Variants in PDXP observed in about 807,000 individuals in gnomAD.
PDXP encodes the protein chronophin.
Under a neutral mutation model 14.4 loss-of-function variants are expected in PDXP, and 15 were observed. That is an observed-to-expected ratio of 1.04 (90% confidence interval 0.70 to 1.60). PDXP has a LOEUF of 1.60. Among genes scored for constraint, PDXP ranks in the 40% most tolerant of loss-of-function variants. PDXP has a pLI of 0.00. For synonymous variants in PDXP, 233 were observed against 205.6 expected (o/e 1.13, Z -1.14); for missense variants, 413 against 427.6 (o/e 0.97, Z 0.30).
chr22:37,661,940 T>TGAGA (rs1569016089), intron 1 of PDXP, among the ~76,000 whole-genome samples: 1 of 68,696 alleles, frequency 1.5e-5, no homozygotes, highest in African/African-American at 5.7e-5. Context: ...TTTTTTTTTT[T>TGAGA]TTTTTTTTTT....
chr22:37,658,857 C>G lies in PDXP; in HGVS notation c.75C>G (p.Asp25Glu). 8.2e-7 allele frequency: 1 copy of G among 1,213,974 alleles called. No individual in the cohort carries two copies. Among genetic ancestry groups the G allele is most frequent in the Non-Finnish European group, 1.0e-6 (1 of 975,018 alleles). The allele number at this position is 1,213,974 out of a possible 1,614,324, so 75.2% of individuals were successfully genotyped here. Residue 25 changes from aspartate to glutamate, a missense_variant, in exon 1 of 2, where the codon GAC (aspartate) becomes GAG (glutamate). By Grantham distance (45) the Asp-to-Glu change is conservative. Coordinates refer to ENST00000215904, the MANE Select transcript of PDXP (RefSeq NM_020315.5). ...VLGRAQGVLF[D>E]CDGVLWNGER... ...GCCGGGCGCAGGGGGTCCTGTTCGA[C>G]TGTGACGGGGTGCTGTGGAACGGCG...
chr22:37,660,541 G>C (rs1933182672), intron 1 of PDXP, among the ~76,000 whole-genome samples: 1 of 152,240 alleles, frequency 6.6e-6, no homozygotes, highest in African/African-American at 2.4e-5. Flanking sequence ...GCAAAAGGAG[G>C]CTCCTCCATT....
chr22:37,666,185 A>G lies in PDXP; in HGVS notation c.*314A>G, dbSNP rs561745414. The G allele has an allele frequency of 1.6e-5, 7 of 448,564 alleles. No individual in the cohort carries two copies. Among genetic ancestry groups the G allele is most frequent in the South Asian group, 5.2e-5 (2 of 38,564 alleles). The allele number at this position is 448,564 out of a possible 1,614,324, so 27.8% of individuals were successfully genotyped here. On this transcript the variant is annotated 3_prime_UTR_variant, in exon 2 of 2. Coordinates refer to ENST00000215904, the MANE Select transcript of PDXP (RefSeq NM_020315.5). ...CTGGTGCCTGCTGAAGATTCCCTCTATCCCTGAGTACTTAGTCTTCTCCCC... is the reference window on the plus strand; with the variant it reads ...CTGGTGCCTGCTGAAGATTCCCTCTGTCCCTGAGTACTTAGTCTTCTCCCC...
At position 37,663,951 on chromosome 22, in the gene PDXP, A is replaced by G. The variant is rs550481810; in HGVS notation, c.575-1604A>G. 3.7e-5 allele frequency among the ~76,000 whole-genome samples: 4 copies of G among 108,534 alleles called. No individual in the cohort carries two copies. In the South Asian group the frequency reaches 1.1e-3, roughly 30 times the overall value. 71.2% of individuals were successfully genotyped at this position (108,534 alleles called of 152,430 possible). A position where few individuals can be genotyped will look rare whatever the true frequency, so the allele number is the denominator to read the frequency against. On this transcript the variant is annotated intron_variant, in intron 1 of 1. Coordinates refer to ENST00000215904, the MANE Select transcript of PDXP (RefSeq NM_020315.5). ...TTTTTTTTTTTTTTTTTTTTGAGCCAGAGCCTAGCTCTGGCGCCCAGACTG... is the reference window on the plus strand; with the variant it reads ...TTTTTTTTTTTTTTTTTTTTGAGCCGGAGCCTAGCTCTGGCGCCCAGACTG...
rs1601597899 is a variant in PDXP at position 37,666,084 on chromosome 22, A to G, written c.*213A>G. 2 of 612,440 alleles carry G rather than the reference A, an allele frequency of 3.3e-6. No homozygotes were observed. The highest frequency in any genetic ancestry group is 1.9e-5 in the African/African-American group (1 of 53,916). The allele number at this position is 612,440 out of a possible 1,614,324, so 37.9% of individuals were successfully genotyped here. ...TTGCTGCCCCAGAAGCTGGTCCCCT[A>G]TGGATTCATCTTGGCCTGACCCAGC... On this transcript the variant is annotated 3_prime_UTR_variant, in exon 2 of 2. Coordinates refer to ENST00000215904, the MANE Select transcript of PDXP (RefSeq NM_020315.5).
intron 1 of PDXP, chr22:37,665,077 C>T (rs1335009312): frequency 1.1e-5 from 2 of 188,010 alleles, no homozygotes; most frequent in Non-Finnish European, 2.3e-5. Flanking sequence ...AGCACTTGCC[C>T]CTGTGTTGCC....
chr22:37,658,828 C>G lies in PDXP; in HGVS notation c.46C>G (p.Leu16Val). ...GCGCGGAGCGGCCCTGCGCGACGTG[C>G]TGGGCCGGGCGCAGGGGGTCCTGTT... is the stretch of plus-strand genomic sequence containing the variant. The part of the protein sequence containing the change: ...RLRGAALRDV[L>V]GRAQGVLFDC... Residue 16 changes from leucine to valine, a missense_variant, in exon 1 of 2, where the codon CTG becomes GTG. Leu to Val is a conservative substitution (Grantham distance 32, BLOSUM62 1). Coordinates refer to ENST00000215904, the MANE Select transcript of PDXP (RefSeq NM_020315.5). 10 of 1,190,236 alleles carry G rather than the reference C, an allele frequency of 8.4e-6. No homozygotes were observed. The highest frequency in any genetic ancestry group is 1.0e-5 in the Non-Finnish European group (10 of 960,788). The allele number at this position is 1,190,236 out of a possible 1,614,324, so 73.7% of individuals were successfully genotyped here.
chr22:37,663,217 C>T (rs62236663), intron 1 of PDXP, among the ~76,000 whole-genome samples: 63,251 of 148,596 alleles, frequency 0.43, 13,370 homozygotes, highest in East Asian at 0.47. Flanking sequence ...GGCAGGAGAA[C>T]GGCATGAACC....
Position 37,658,771 on chromosome 22 carries a change from C to T in PDXP, c.-12C>T, listed in dbSNP as rs1262002909. On this transcript the variant is annotated 5_prime_UTR_variant, in exon 1 of 2. Coordinates refer to ENST00000215904, the MANE Select transcript of PDXP (RefSeq NM_020315.5). ...AGAGCGCGGCGCGGGAGGCCGGCGG[C>T]CGGCCGGCTGCATGGCGCGCTGCGA... 14 of 1,160,988 alleles carry T rather than the reference C, an allele frequency of 1.2e-5. 1 individual carries two copies. In the South Asian group the frequency reaches 3.4e-4, roughly 28 times the overall value. 71.9% of individuals were successfully genotyped at this position (1,160,988 alleles called of 1,614,324 possible). A position where few individuals can be genotyped will look rare whatever the true frequency, so the allele number is the denominator to read the frequency against.
At chr22:37,663,040 C>T (rs993980361) in intron 1 of PDXP, among the ~76,000 whole-genome samples, 12 of 151,402 alleles carry the variant, frequency 7.9e-5, no homozygotes, top group Non-Finnish European at 1.6e-4. Context: ...GTGGCTCACA[C>T]CTGTAATCCC....
At chr22:37,661,880 C>G (rs940105238) in intron 1 of PDXP, among the ~76,000 whole-genome samples, 1 of 148,162 alleles carries the variant, frequency 6.7e-6, no homozygotes, top group Non-Finnish European at 1.5e-5. Flanking sequence ...CGCTCACCAA[C>G]GGAGCACGTG....
At position 37,659,232 on chromosome 22, in the gene PDXP, C is replaced by T. The variant is rs758651191; in HGVS notation, c.450C>T (p.Tyr150=). ...GCGTGCGCGCCGTGCTTGTGGGCTA[C>T]GACGAGCACTTCTCCTTCGCCAAGC... ...APRVRAVLVG[Y]DEHFSFAKLR... The change falls in exon 1 of 2, where the codon TAC becomes TAT. Residue 150 remains tyrosine (Y), a synonymous_variant. Transcript: ENST00000215904. The T allele has an allele frequency of 5.3e-6, 7 of 1,318,502 alleles. No individual in the cohort carries two copies. The highest frequency in any genetic ancestry group is 4.8e-5 in the South Asian group (2 of 41,452). The allele number at this position is 1,318,502 out of a possible 1,614,324, so 81.7% of individuals were successfully genotyped here.
intron 1 of PDXP, among the ~76,000 whole-genome samples, chr22:37,662,337 CT>C (rs1341448652): frequency 1.3e-5 from 2 of 152,158 alleles, no homozygotes; most frequent in East Asian, 3.9e-4. Flanking sequence ...CCATCTTTGC[CT>C]TTGGCTTAAC....
At chr22:37,659,814 A>G (rs368213716) in intron 1 of PDXP, among the ~76,000 whole-genome samples, 2 of 152,174 alleles carry the variant, frequency 1.3e-5, no homozygotes, top group Non-Finnish European at 2.9e-5. Context: ...ACCTCCAAGC[A>G]TCTCTGCCTG....
At position 37,659,310 on chromosome 22, in the gene PDXP, C is replaced by G. The variant is rs1261210279; in HGVS notation, c.528C>G (p.Thr176=). 4 of 1,304,200 alleles carry G rather than the reference C, an allele frequency of 3.1e-6. No homozygotes were observed. Among genetic ancestry groups the G allele is most frequent in the Non-Finnish European group, 3.9e-6 (4 of 1,023,982 alleles). The allele number at this position is 1,304,200 out of a possible 1,614,324, so 80.8% of individuals were successfully genotyped here. A position where few individuals can be genotyped will look rare whatever the true frequency, so the allele number is the denominator to read the frequency against. ...LRDPECLLVA[T]DRDPWHPLSD... ...ACCCCGAGTGCCTACTCGTGGCCAC[C>G]GACCGTGACCCATGGCACCCGCTGA... The change falls in exon 1 of 2, where the codon ACC becomes ACG. Residue 176 remains threonine (T), a synonymous_variant. Coordinates refer to ENST00000215904, the MANE Select transcript of PDXP (RefSeq NM_020315.5).
rs1316794932 is a variant in PDXP, at chr22:37,659,350, A to G, written c.568A>G (p.Thr190Ala). 1.5e-6 allele frequency: 2 copies of G among 1,299,348 alleles called. No homozygotes were observed. Among genetic ancestry groups the G allele is most frequent in the Admixed American group, 6.1e-5 (2 of 32,818 alleles). The allele number at this position is 1,299,348 out of a possible 1,614,324, so 80.5% of individuals were successfully genotyped here. Reference protein sequence around the residue: ...PWHPLSDGSRTPGTGSLAAAV... With the variant: ...PWHPLSDGSRAPGTGSLAAAV... Reference sequence around the variant, plus strand: ...GCACCCGCTGAGCGACGGCAGCCGGACCCCTGGTGAGCGCGGGAATGGCGG... The same window carrying G: ...GCACCCGCTGAGCGACGGCAGCCGGGCCCCTGGTGAGCGCGGGAATGGCGG... Residue 190 changes from threonine (T) to alanine (A), a missense_variant, in exon 1 of 2, where the codon ACC becomes GCC. By Grantham distance (58) the Thr-to-Ala change is moderately conservative. Transcript: ENST00000215904.
In PDXP at chr22:37,658,822, G is replaced by A. The variant is rs757916043; in HGVS notation, c.40G>A (p.Asp14Asn). The A allele has an allele frequency of 8.4e-7, 1 of 1,186,626 alleles. No homozygotes were observed. Among genetic ancestry groups the A allele is most frequent in the Non-Finnish European group, 1.0e-6 (1 of 958,620 alleles). The allele number at this position is 1,186,626 out of a possible 1,614,324, so 73.5% of individuals were successfully genotyped here. The change falls in exon 1 of 2, where the codon GAC (aspartate) becomes AAC (asparagine). Residue 14 changes from aspartate to asparagine, a missense_variant. Asp to Asn is a conservative substitution (Grantham distance 23). Transcript: ENST00000215904. ...GAGGCTGCGCGGAGCGGCCCTGCGCGACGTGCTGGGCCGGGCGCAGGGGGT... is the reference window on the plus strand; with the variant it reads ...GAGGCTGCGCGGAGCGGCCCTGCGCAACGTGCTGGGCCGGGCGCAGGGGGT... ...CERLRGAALR[D>N]VLGRAQGVLF... is the part of the protein sequence containing the mutation.
chr22:37,661,128 T>C (rs973181161), intron 1 of PDXP, among the ~76,000 whole-genome samples: 1 of 152,124 alleles, frequency 6.6e-6, no homozygotes, highest in Non-Finnish European at 1.5e-5. Flanking sequence ...GAAGGCTGGT[T>C]GTCAAGGAGC....
At position 37,666,212 on chromosome 22, in the gene PDXP, T is replaced by G; in HGVS notation, c.*341T>G. The G allele has an allele frequency of 8.6e-6, 3 of 349,406 alleles. No individual in the cohort carries two copies. Among genetic ancestry groups the G allele is most frequent in the African/African-American group, 2.1e-5 (1 of 48,018 alleles). 21.6% of individuals were successfully genotyped at this position (349,406 alleles called of 1,614,324 possible). A position where few individuals can be genotyped will look rare whatever the true frequency, so the allele number is the denominator to read the frequency against. On this transcript the variant is annotated 3_prime_UTR_variant, in exon 2 of 2. Transcript: ENST00000215904. ...CCCTGAGTACTTAGTCTTCTCCCCCTTCCCTGGGGCTTCTAGAGCTCTCTC... is the reference window on the plus strand; with the variant it reads ...CCCTGAGTACTTAGTCTTCTCCCCCGTCCCTGGGGCTTCTAGAGCTCTCTC...
Sources: allele counts gnomAD v4.1 joint callset (sites outside exome capture counted in the v4.1 genomes callset), GRCh38; gene constraint gnomAD v4.1.1; transcripts MANE v1.5; gene names NCBI Gene and HGNC (gene_info 2026-07-23, HGNC 2026-07-21).